The following TMSB15B variants were observed in gnomAD, a reference collection of about 807,000 sequenced individuals.
TMSB15B encodes the protein thymosin beta-15B.
chrX:103,940,355 C>T lies in TMSB15B; in HGVS notation c.-721+21063C>T, dbSNP rs782112673. On this transcript the variant is annotated intron_variant, in intron 1 of 3. Coordinates refer to the TMSB15B transcript ENST00000419165. Reference sequence around the variant, plus strand: ...GCCTTTCTTTCAGAGATGCCCTGCCCAGAGAGGAGGAATCTAGAGAGGCAA... The same window carrying T: ...GCCTTTCTTTCAGAGATGCCCTGCCTAGAGAGGAGGAATCTAGAGAGGCAA... Among the ~76,000 whole-genome samples the T allele has an allele frequency of 2.7e-5, 3 of 112,303 alleles. No individual in the cohort carries two copies. In the South Asian group the frequency reaches 1.1e-3, roughly 42 times the overall value.
At chrX:103,947,020 A>G (rs1438697535) in intron 1 of TMSB15B, among the ~76,000 whole-genome samples, 5 of 110,178 alleles carry the variant, frequency 4.5e-5, no homozygotes, top group Non-Finnish European at 7.6e-5. Context: ...ATGACCAGCA[A>G]CTCCACTTCT....
chrX:103,938,518 T>C (rs1202577875), intron 1 of TMSB15B, among the ~76,000 whole-genome samples: 2 of 112,184 alleles, frequency 1.8e-5, no homozygotes, highest in African/African-American at 6.5e-5. Context: ...TTGATCTTCA[T>C]CCATCCCTTT....
intron 1 of TMSB15B, among the ~76,000 whole-genome samples, chrX:103,945,360 C>T (rs1341459132): frequency 8.9e-6 from 1 of 111,883 alleles, no homozygotes; most frequent in Non-Finnish European, 1.9e-5. Flanking sequence ...GGGCCTTGTA[C>T]TGTGGCAAAA....
chrX:103,928,861 C>T, intron 1 of TMSB15B: 1 of 1,204,413 alleles, frequency 8.3e-7, no homozygotes, highest in South Asian at 1.8e-5. Flanking sequence ...GGCCTCTGCC[C>T]AGGATGTGTG....
At chrX:103,925,917 T>C (rs1300399030) in intron 1 of TMSB15B, among the ~76,000 whole-genome samples, 2 of 111,545 alleles carry the variant, frequency 1.8e-5, no homozygotes, top group African/African-American at 3.3e-5. Context: ...CAGGTAAGAT[T>C]TGGGAAAGAA....
chrX:103,942,758 T>C (rs1196893899), intron 1 of TMSB15B, among the ~76,000 whole-genome samples: 2 of 112,083 alleles, frequency 1.8e-5, no homozygotes, highest in Non-Finnish European at 3.8e-5. Context: ...ATATTCTTCA[T>C]AGTGTTCAAC....
intron 1 of TMSB15B, among the ~76,000 whole-genome samples, chrX:103,953,292 G>A (rs372837675): frequency 1.3e-4 from 14 of 111,879 alleles, no homozygotes; most frequent in Non-Finnish European, 2.4e-4. Flanking sequence ...CAGGAGAGCG[G>A]ACATGCATGG....
chrX:103,921,761 C>T (rs1164922513), intron 1 of TMSB15B, among the ~76,000 whole-genome samples: 1 of 112,179 alleles, frequency 8.9e-6, no homozygotes, highest in East Asian at 2.8e-4. Context: ...TCCTTTGTAC[C>T]AGGAACTTTC....
At chrX:103,950,784 C>T (rs1183050052) in intron 1 of TMSB15B, among the ~76,000 whole-genome samples, 13 of 109,827 alleles carry the variant, frequency 1.2e-4, no homozygotes, top group African/African-American at 4.0e-4. Flanking sequence ...ACAGTATAAT[C>T]GAATCCTGAT....
At chrX:103,928,993 T>G (rs782792626) in intron 1 of TMSB15B, 168 of 1,175,837 alleles carry the variant, frequency 1.4e-4, no homozygotes, top group Admixed American at 1.6e-4. Flanking sequence ...GAAGTCACAC[T>G]CCAGGAAAGA....
intron 1 of TMSB15B, among the ~76,000 whole-genome samples, chrX:103,930,097 C>T (rs2074980446): frequency 9.0e-6 from 1 of 111,036 alleles, no homozygotes; most frequent in Non-Finnish European, 1.9e-5. Context: ...CAGAGCCATT[C>T]AAAATATGCT....
At chrX:103,922,915 G>A (rs782792751) in intron 1 of TMSB15B, among the ~76,000 whole-genome samples, 2 of 112,355 alleles carry the variant, frequency 1.8e-5, no homozygotes, top group East Asian at 5.6e-4. Flanking sequence ...GGTGTGAGAT[G>A]CTATCTCATT....
chrX:103,947,108 C>T (rs782782913), intron 1 of TMSB15B, among the ~76,000 whole-genome samples: 21 of 107,897 alleles, frequency 1.9e-4, no homozygotes, highest in Non-Finnish European at 4.0e-4. Context: ...TAGCCCCACA[C>T]TGAAAAAAAA....
intron 1 of TMSB15B, among the ~76,000 whole-genome samples, chrX:103,946,715 GA>G (rs1470144166): frequency 2.7e-5 from 3 of 111,069 alleles, no homozygotes; most frequent in Non-Finnish European, 5.7e-5. Flanking sequence ...CCTTCTCGGA[GA>G]AAAATCTAGA....
intron 1 of TMSB15B, among the ~76,000 whole-genome samples, chrX:103,927,667 T>G (rs1233101356): frequency 1.8e-5 from 2 of 108,377 alleles, no homozygotes; most frequent in African/African-American, 3.3e-5. Context: ...GCCAGGTTTT[T>G]TTTTTTTTTT....
At chrX:103,941,829 G>A (rs1556325276) in intron 1 of TMSB15B, among the ~76,000 whole-genome samples, 1 of 111,835 alleles carries the variant, frequency 8.9e-6, no homozygotes. Flanking sequence ...CCTATCTAAT[G>A]GGTGTAAATG....
rs141530125 is a variant in TMSB15B at position 103,941,583 on chromosome X, G to C, written c.-720-20438G>C. On this transcript the variant is annotated intron_variant, in intron 1 of 3. Transcript: ENST00000419165. ...GTGAGATGAAATCCAATTTTTGACT[G>C]TTACAAAACAGTGCTACCATGATTT... Among the ~76,000 whole-genome samples, 10 of 111,605 alleles carry C rather than the reference G, an allele frequency of 9.0e-5. No individual in the cohort carries two copies. In the East Asian group the frequency reaches 2.5e-3, roughly 28 times the overall value.
chrX:103,952,408 C>A (rs1190208943), intron 1 of TMSB15B, among the ~76,000 whole-genome samples: 1 of 111,217 alleles, frequency 9.0e-6, no homozygotes, highest in Non-Finnish European at 1.9e-5. Flanking sequence ...CAATGAGGAG[C>A]AGTAAAGTCA....
chrX:103,922,731 A>C (rs1313740508), intron 1 of TMSB15B, among the ~76,000 whole-genome samples: 65 of 111,644 alleles, frequency 5.8e-4, no homozygotes, highest in Admixed American at 3.8e-4. Context: ...CAGTAATGGG[A>C]TGGCTGGGTC....
Sources: gnomAD v4.1 joint callset for allele counts (sites outside exome capture counted in the v4.1 genomes callset) on GRCh38, gnomAD v4.1.1 for gene constraint, MANE v1.5 for transcripts, NCBI Gene and HGNC (gene_info 2026-07-23, HGNC 2026-07-21) for gene names.